The following ZFHX3 variants were observed in gnomAD, a reference collection of about 807,000 sequenced individuals.
The protein encoded by ZFHX3 is zinc finger homeobox 3, also known as zinc finger homeobox protein 3.
In ZFHX3, 42 loss-of-function variants were observed where a neutral mutation model predicts 279.1. That is an observed-to-expected ratio of 0.15 (90% CI 0.12 to 0.19). The LOEUF (loss-of-function observed/expected upper bound fraction) is 0.19. ZFHX3 is among the 10% of genes least tolerant of loss of function. ZFHX3 has a pLI of 1.00. For missense variants in ZFHX3, 4,981 were observed against 4,754.0 expected (o/e 1.05, Z -1.40); for synonymous variants, 2,293 against 1,957.8 (o/e 1.17, Z -4.52).
intron 3 of ZFHX3, among the ~76,000 whole-genome samples, chr16:72,924,197 T>C (rs1280716684): frequency 1.3e-5 from 2 of 152,224 alleles, no homozygotes; most frequent in Non-Finnish European, 2.9e-5. Context: ...TTGTATTATG[T>C]AACTAAAACT....
intron 7 of ZFHX3, among the ~76,000 whole-genome samples, chr16:73,119,326 C>T (rs953029437): frequency 2.6e-5 from 4 of 152,130 alleles, no homozygotes; most frequent in Non-Finnish European, 5.9e-5. Context: ...AGGCTGGTCT[C>T]CAACTTCTGG....
intron 3 of ZFHX3, among the ~76,000 whole-genome samples, chr16:72,895,134 CAT>C (rs1379344731): frequency 2.6e-5 from 4 of 152,188 alleles, no homozygotes; most frequent in Non-Finnish European, 5.9e-5. Context: ...CGCGCACACA[CAT>C]GTGAGCACAC....
chr16:73,121,090 AC>A (rs1966493657), intron 7 of ZFHX3, among the ~76,000 whole-genome samples: 1 of 152,190 alleles, frequency 6.6e-6, no homozygotes, highest in Admixed American at 6.5e-5. Context: ...TGAATTTTCT[AC>A]TTTATTTCAT....
intron 2 of ZFHX3, among the ~76,000 whole-genome samples, chr16:73,610,885 G>A (rs2052238109): frequency 3.3e-5 from 5 of 152,284 alleles, no homozygotes; most frequent in Middle Eastern, 3.4e-3. Flanking sequence ...TTGGGAAGCC[G>A]AGCAACTGTA....
Position 72,859,385 on chromosome 16 carries a change from G to A in ZFHX3, c.3449-29526C>T, listed in dbSNP as rs139215831. On this transcript the variant is annotated intron_variant, in intron 4 of 9. Coordinates refer to ENST00000268489, the MANE Select transcript of ZFHX3 (RefSeq NM_006885.4). ...GTTGCCTGTGGGTCTGGATTTCTAT[G>A]ACAACCGCTATCGTCCCAGAGAGGC... 2.6e-4 allele frequency among the ~76,000 whole-genome samples: 40 copies of A among 152,224 alleles called. No homozygotes were observed. The East Asian group carries it at 7.4e-3, about 28-fold the overall frequency.
chr16:73,019,676 G>A (rs1467860540), intron 1 of ZFHX3, among the ~76,000 whole-genome samples: 3 of 152,290 alleles, frequency 2.0e-5, no homozygotes, highest in Non-Finnish European at 2.9e-5. Flanking sequence ...TCATCACGAC[G>A]CGCAGGAAGC....
At chr16:73,548,206 G>A (rs1171292476) in intron 2 of ZFHX3, among the ~76,000 whole-genome samples, 1 of 152,192 alleles carries the variant, frequency 6.6e-6, no homozygotes, top group East Asian at 1.9e-4. Context: ...TGGCTAAAGT[G>A]CACACGGAAT....
chr16:73,481,544 C>G (rs1046025143), intron 2 of ZFHX3, among the ~76,000 whole-genome samples: 74 of 152,266 alleles, frequency 4.9e-4, no homozygotes, highest in African/African-American at 1.6e-3. Context: ...GGTGATCCCC[C>G]CTACCCCAAC....
intron 2 of ZFHX3, among the ~76,000 whole-genome samples, chr16:73,659,407 G>A (rs1233343293): frequency 6.6e-6 from 1 of 152,136 alleles, no homozygotes; most frequent in African/African-American, 2.4e-5. Context: ...AAGGGTGTCA[G>A]GTTCGATTAG....
intron 6 of ZFHX3, among the ~76,000 whole-genome samples, chr16:73,141,714 C>T (rs939556398): frequency 6.6e-6 from 1 of 152,158 alleles, no homozygotes; most frequent in Non-Finnish European, 1.5e-5. Context: ...AATAAATTTT[C>T]TCATTTAATC....
intron 3 of ZFHX3, among the ~76,000 whole-genome samples, chr16:73,368,245 T>C (rs1011848997): frequency 2.6e-5 from 4 of 152,348 alleles, no homozygotes; most frequent in Non-Finnish European, 5.9e-5. Flanking sequence ...TAATGAAGTA[T>C]GGAAGAGCTG....
intron 7 of ZFHX3, among the ~76,000 whole-genome samples, chr16:73,115,743 C>T (rs1966424822): frequency 6.6e-6 from 1 of 152,174 alleles, no homozygotes; most frequent in South Asian, 2.1e-4. Flanking sequence ...GATGAGGAAA[C>T]TGAAGCTTAG....
intron 2 of ZFHX3, among the ~76,000 whole-genome samples, chr16:73,560,183 T>C (rs1321897991): frequency 3.3e-5 from 5 of 152,174 alleles, no homozygotes; most frequent in Admixed American, 2.6e-4. Flanking sequence ...GCTGAAGATT[T>C]CCCAGTTACA....
intron 4 of ZFHX3, among the ~76,000 whole-genome samples, chr16:72,860,035 G>T (rs534942742): frequency 6.6e-6 from 1 of 152,144 alleles, no homozygotes; most frequent in African/African-American, 2.4e-5. Context: ...CGTGCCCCTC[G>T]ACATGGTGGA....
At chr16:73,204,297 T>A (rs2011715934) in intron 5 of ZFHX3, among the ~76,000 whole-genome samples, 1 of 150,862 alleles carries the variant, frequency 6.6e-6, no homozygotes, top group South Asian at 2.1e-4. Flanking sequence ...ATTATTATAT[T>A]CATTATAATA....
At chr16:73,280,852 G>A (rs886643405) in intron 4 of ZFHX3, among the ~76,000 whole-genome samples, 27 of 151,930 alleles carry the variant, frequency 1.8e-4, no homozygotes, top group African/African-American at 6.0e-4. Context: ...AGGCATGGTG[G>A]TGCATGCCTG....
chr16:73,526,796 G>C (rs989573205), intron 2 of ZFHX3, among the ~76,000 whole-genome samples: 1 of 151,988 alleles, frequency 6.6e-6, no homozygotes, highest in African/African-American at 2.4e-5. Context: ...TGCTTAAGGA[G>C]TTAAGGAGAT....
chr16:73,726,698 G>A lies in ZFHX3; in HGVS notation c.-1607-46458C>T, dbSNP rs2053521773. 2.0e-5 allele frequency among the ~76,000 whole-genome samples: 3 copies of A among 152,112 alleles called. No individual in the cohort carries two copies. In the South Asian group the frequency reaches 6.2e-4, roughly 32 times the overall value. On this transcript the variant is annotated intron_variant, in intron 1 of 17. Transcript: ENST00000641206. The stretch of plus-strand genomic sequence containing the variant: ...GCTGGCCCATCACACGCAACAGCGG[G>A]AGCACGAGGGAGGAGGAGGCGCCAT...
At chr16:73,147,609 G>T (rs905158609) in intron 5 of ZFHX3, among the ~76,000 whole-genome samples, 2 of 145,484 alleles carry the variant, frequency 1.4e-5, no homozygotes, top group Admixed American at 7.0e-5. Context: ...GGAGAATGGC[G>T]TGAACCCGGG....
Sources: allele counts gnomAD v4.1 joint callset (sites outside exome capture counted in the v4.1 genomes callset), GRCh38; gene constraint gnomAD v4.1.1; transcripts MANE v1.5; gene names NCBI Gene and HGNC (gene_info 2026-07-23, HGNC 2026-07-21).